CCDC42: variants seen among roughly 807,000 people sequenced by gnomAD.
CCDC42 encodes coiled-coil domain-containing protein 42.
Under a neutral mutation model 40.8 loss-of-function variants are expected in CCDC42, and 38 were observed. That is an observed-to-expected ratio of 0.93 (90% CI 0.72 to 1.22). CCDC42 has a LOEUF of 1.22. Among genes scored for constraint, CCDC42 ranks in the 50% most tolerant of loss-of-function variants. The pLI is 0.00. For missense variants in CCDC42, 379 were observed against 416.5 expected, an observed-to-expected ratio of 0.91 and a Z score of 0.78; for synonymous variants, 135 against 157.5, an observed-to-expected ratio of 0.86 and a Z score of 1.07.
At chr17:8,736,192 G>A (rs2086610675) in intron 4 of CCDC42, among the ~76,000 whole-genome samples, 1 of 151,812 alleles carries the variant, frequency 6.6e-6, no homozygotes, top group African/African-American at 2.4e-5. Context: ...GTGGCATGGA[G>A]GGAGGACAGA....
At chr17:8,740,735 A>G (rs941435052) in intron 4 of CCDC42, among the ~76,000 whole-genome samples, 39 of 152,138 alleles carry the variant, frequency 2.6e-4, no homozygotes, top group Non-Finnish European at 2.1e-4. Flanking sequence ...CTCCGGCTAC[A>G]GGGACTGCAG....
At chr17:8,741,374 C>G in intron 4 of CCDC42, 100 bp downstream of exon 4, 1 of 1,221,090 alleles carries the variant, frequency 8.2e-7, no homozygotes, top group South Asian at 1.3e-5. Context: ...CAGTCCCCAG[C>G]CAGCTGAGCC....
At chr17:8,743,983 C>T (rs1302399844) in intron 2 of CCDC42, 96 bp downstream of exon 2, 2 of 959,420 alleles carry the variant, frequency 2.1e-6, no homozygotes, top group Non-Finnish European at 3.2e-6. Flanking sequence ...CTAGCCACCC[C>T]ACTCAGACAA....
rs2086666271 is a variant in CCDC42, at chr17:8,744,513, C to T, written c.83+14G>A. The T allele has an allele frequency of 2.5e-6, 4 of 1,607,540 alleles. No individual in the cohort carries two copies. In the East Asian group the frequency reaches 8.9e-5, roughly 36 times the overall value. Reference sequence around the variant, plus strand: ...GGCACAGAGGGGTGGGCAAGCCAGGCCTCAGACACTCACTGGAGCATCTGC... The same window carrying T: ...GGCACAGAGGGGTGGGCAAGCCAGGTCTCAGACACTCACTGGAGCATCTGC... On this transcript the variant is annotated intron_variant, in intron 1 of 6. Transcript: ENST00000293845.
chr17:8,735,691 T>A lies in CCDC42; in HGVS notation c.493-80A>T, dbSNP rs1178949325. On this transcript the variant is annotated intron_variant, in intron 4 of 6. Coordinates refer to ENST00000293845, the MANE Select transcript of CCDC42 (RefSeq NM_144681.3). This position sits in a 1 kb window ranked among gnomAD's most constrained non-coding sequence, Gnocchi z 4.7. Reference sequence around the variant, plus strand: ...CACCCAGTCCTGCCAACCTCCAGCCTGGATGCCTGGACACCTGGACACCTG... The same window carrying A: ...CACCCAGTCCTGCCAACCTCCAGCCAGGATGCCTGGACACCTGGACACCTG... 1 of 1,222,334 alleles carries A rather than the reference T, an allele frequency of 8.2e-7. No individual in the cohort carries two copies. The highest frequency in any genetic ancestry group is 1.1e-6 in the Non-Finnish European group (1 of 874,826). The allele number at this position is 1,222,334 out of a possible 1,614,324, so 75.7% of individuals were successfully genotyped here.
chr17:8,735,121 T>C lies in CCDC42; in HGVS notation c.848A>G (p.Glu283Gly). Residue 283 changes from glutamate to glycine, a missense_variant, in exon 6 of 7, where the codon GAG becomes GGG. Glu to Gly is a moderately conservative substitution (Grantham distance 98). Coordinates refer to ENST00000293845, the MANE Select transcript of CCDC42 (RefSeq NM_144681.3). This position sits in a 1 kb window ranked among gnomAD's most constrained non-coding sequence, Gnocchi z 4.7. The part of the protein sequence containing the change: ...HLKEVTEVAL[E>G]DTHKQLDMIQ... ...CATGTCCAGCTGCTTGTGGGTGTCCTCCAGTGCCACCTCAGTCACCTCCTT... is the reference window on the plus strand; with the variant it reads ...CATGTCCAGCTGCTTGTGGGTGTCCCCCAGTGCCACCTCAGTCACCTCCTT... 6.2e-7 allele frequency: 1 copy of C among 1,614,190 alleles called. No individual in the cohort carries two copies. Among genetic ancestry groups the C allele is most frequent in the Non-Finnish European group, 8.5e-7 (1 of 1,180,038 alleles).
intron 6 of CCDC42, among the ~76,000 whole-genome samples, chr17:8,734,102 C>G (rs1408070804): frequency 6.6e-6 from 1 of 152,156 alleles, no homozygotes; most frequent in East Asian, 1.9e-4. Context: ...TTAAAGGGAT[C>G]TGCAAGTGCG....
At chr17:8,733,975 C>G (rs555952204) in intron 6 of CCDC42, among the ~76,000 whole-genome samples, 19 of 150,810 alleles carry the variant, frequency 1.3e-4, no homozygotes, top group Admixed American at 1.2e-3. Flanking sequence ...CGCTCTTATT[C>G]TCTCATGAGC....
chr17:8,744,399 G>T, intron 1 of CCDC42, 128 bp downstream of exon 1: 1 of 826,196 alleles, frequency 1.2e-6, no homozygotes, highest in Non-Finnish European at 2.0e-6. Context: ...AGGTGGACTG[G>T]TGCCAAGGTT....
At chr17:8,742,404 G>T (rs892417946) in intron 3 of CCDC42, among the ~76,000 whole-genome samples, 3 of 152,156 alleles carry the variant, frequency 2.0e-5, no homozygotes, top group Admixed American at 6.5e-5. Flanking sequence ...CTGGCATCCC[G>T]CTGAGGGAGG....
At chr17:8,733,096 T>G (rs1403591807) in intron 6 of CCDC42, among the ~76,000 whole-genome samples, 1 of 152,180 alleles carries the variant, frequency 6.6e-6, no homozygotes, top group Non-Finnish European at 1.5e-5. Flanking sequence ...GGAGGAAACC[T>G]TATTTTTTCT....
At chr17:8,732,641 CGCTG>C (rs1568049970) in intron 6 of CCDC42, among the ~76,000 whole-genome samples, 2 of 152,160 alleles carry the variant, frequency 1.3e-5, no homozygotes, top group Non-Finnish European at 2.9e-5. Flanking sequence ...GTTTTAGAAA[CGCTG>C]TCTGCTGGGA....
At chr17:8,733,133 C>G (rs1032510325) in intron 6 of CCDC42, among the ~76,000 whole-genome samples, 1 of 152,112 alleles carries the variant, frequency 6.6e-6, no homozygotes, top group Non-Finnish European at 1.5e-5. Context: ...CTACAGGTGG[C>G]TTTTCATTCA....
In CCDC42 at chr17:8,735,739, G is replaced by A; in HGVS notation, c.493-128C>T. The A allele has an allele frequency of 1.4e-6, 1 of 723,534 alleles. No homozygotes were observed. Among genetic ancestry groups the A allele is most frequent in the Non-Finnish European group, 2.2e-6 (1 of 444,948 alleles). 44.8% of individuals were successfully genotyped at this position (723,534 alleles called of 1,614,324 possible). A position where few individuals can be genotyped will look rare whatever the true frequency, so the allele number is the denominator to read the frequency against. On this transcript the variant is annotated intron_variant, in intron 4 of 6. Transcript: ENST00000293845. This position sits in a 1 kb window ranked among gnomAD's most constrained non-coding sequence, Gnocchi z 4.7. ...CTGGGCAGGCAGGCCCTTGGCCAGG[G>A]TCACGGCCAGAGGCTGTGAGGGACA...
rs774035646 is a variant in CCDC42 at position 8,735,138 on chromosome 17, C to T, written c.831G>A (p.Val277=). 2 of 1,614,194 alleles carry T rather than the reference C, an allele frequency of 1.2e-6. No individual in the cohort carries two copies. The highest frequency in any genetic ancestry group is 2.2e-5 in the South Asian group (2 of 91,082). The part of the protein sequence containing the change: ...FQIVSKHLKE[V]TEVALEDTHK... ...GGGTGTCCTCCAGTGCCACCTCAGT[C>T]ACCTCCTTCAGGTGCTTGCTCACGA... The change falls in exon 6 of 7, where the codon GTG becomes GTA. Residue 277 remains valine (V), a synonymous_variant. Coordinates refer to ENST00000293845, the MANE Select transcript of CCDC42 (RefSeq NM_144681.3). The surrounding 1 kb of genome is among the most constrained non-coding windows in gnomAD (Gnocchi z 4.7).
At chr17:8,742,309 C>T (rs1258788489) in intron 3 of CCDC42, among the ~76,000 whole-genome samples, 1 of 152,162 alleles carries the variant, frequency 6.6e-6, no homozygotes, top group African/African-American at 2.4e-5. Flanking sequence ...GCTGGAGCTC[C>T]AGGAAGATGA....
chr17:8,744,103 A>C lies in CCDC42; in HGVS notation c.165T>G (p.His55Gln), dbSNP rs2086662598. 3.1e-6 allele frequency: 5 copies of C among 1,613,328 alleles called. No individual in the cohort carries two copies. The highest frequency in any genetic ancestry group is 2.5e-6 in the Non-Finnish European group (3 of 1,179,530). ...LEKKKETEIM[H>Q]QTMVQKKKMF... ...CCTTCTTCTTCTGCACCATAGTTTG[A>C]TGCATGATTTCTGTCTCCTTTTTCT... Residue 55 changes from histidine (H) to glutamine (Q), a missense_variant, in exon 2 of 7, where the codon CAT (histidine) becomes CAG (glutamine). Transcript: ENST00000293845.
Position 8,735,307 on chromosome 17 carries a change from TTGTG to T in CCDC42, c.715-57_715-54del. On this transcript the variant is annotated intron_variant, in intron 5 of 6. Coordinates refer to ENST00000293845, the MANE Select transcript of CCDC42 (RefSeq NM_144681.3). This position sits in a 1 kb window ranked among gnomAD's most constrained non-coding sequence, Gnocchi z 4.7. The stretch of plus-strand genomic sequence containing the variant: ...AGCACAGCATGTGGTGTGTGTGTGT[TTGTG>T]TGTATGTGTGTGTGTGTATGCTCAG... The T allele has an allele frequency of 1.9e-6, 3 of 1,609,676 alleles. No individual in the cohort carries two copies. In the South Asian group the frequency reaches 3.3e-5, roughly 18 times the overall value.
intron 6 of CCDC42, among the ~76,000 whole-genome samples, chr17:8,731,919 C>T (rs1309069780): frequency 6.6e-6 from 1 of 152,148 alleles, no homozygotes; most frequent in Non-Finnish European, 1.5e-5. Flanking sequence ...AATCCCAGCA[C>T]TTTGGGAGGC....
Sources: gnomAD v4.1 joint callset for allele counts (sites outside exome capture counted in the v4.1 genomes callset) on GRCh38, gnomAD v4.1.1 for gene constraint, Gnocchi (gnomAD v3.1) non-coding constraint, MANE v1.5 for transcripts, NCBI Gene and HGNC (gene_info 2026-07-23, HGNC 2026-07-21) for gene names.